Variants in ETAA1 observed in about 807,000 individuals in gnomAD.
The protein encoded by ETAA1 is ETAA1 activator of ATR kinase, also known as ewing's tumor-associated antigen 1.
A neutral mutation model predicts 76.8 loss-of-function variants in ETAA1; 49 were observed. That is an observed-to-expected ratio of 0.64 (90% confidence interval 0.51 to 0.81). ETAA1 has a LOEUF of 0.81. Among genes scored for constraint, ETAA1 ranks in the 30% least tolerant of loss-of-function variants. The pLI, the probability that ETAA1 is intolerant of heterozygous loss-of-function variation, is 0.00. For missense variants in ETAA1, 1,099 were observed against 1,074.0 expected, an observed-to-expected ratio of 1.02 and a Z score of -0.32; for synonymous variants, 373 against 372.2, an observed-to-expected ratio of 1.00 and a Z score of -0.03.
intron 5 of ETAA1, among the ~76,000 whole-genome samples, chr2:67,409,173 G>T (rs1558583380): frequency 6.6e-6 from 1 of 151,894 alleles, no homozygotes; most frequent in Admixed American, 6.6e-5. Context: ...CTAAATGTCA[G>T]AATAAATGAT....
chr2:67,405,255 G>C lies in ETAA1; in HGVS notation c.2573G>C (p.Gly858Ala). ...ACACAGGGTGTGGAGAAAAAGAAAGGTGTCAACCCATTACTGGAGGAAGCT... is the reference window on the plus strand; with the variant it reads ...ACACAGGGTGTGGAGAAAAAGAAAGCTGTCAACCCATTACTGGAGGAAGCT... ...KITQGVEKKK[G>A]VNPLLEEAVG... Residue 858 changes from glycine to alanine, a missense_variant, in exon 5 of 6, where the codon GGT (glycine) becomes GCT (alanine). Around this residue, in one of 3 missense-constraint regions of ETAA1, gnomAD observed 302 missense variants for 278.1 expected, o/e 1.09. Transcript: ENST00000272342. 1 of 1,608,394 alleles carries C rather than the reference G, an allele frequency of 6.2e-7. No individual in the cohort carries two copies. Among genetic ancestry groups the C allele is most frequent in the Non-Finnish European group, 8.5e-7 (1 of 1,177,718 alleles).
chr2:67,405,191 C>T lies in ETAA1; in HGVS notation c.2509C>T (p.Gln837Ter), dbSNP rs1676180377. The T allele has an allele frequency of 6.2e-7, 1 of 1,612,418 alleles. No individual in the cohort carries two copies. The highest frequency in any genetic ancestry group is 8.5e-7 in the Non-Finnish European group (1 of 1,179,092). Residue 837 changes from glutamine to a stop codon, truncating the protein, a stop_gained, in exon 5 of 6, where the codon CAA becomes TAA. Coordinates refer to ENST00000272342, the MANE Select transcript of ETAA1 (RefSeq NM_019002.4). LOFTEE classifies it high-confidence loss of function. ...KNSQILSQFN[Q>*]NCITGSMSDT... ...TTCTCAGATTCTTTCTCAGTTTAAT[C>T]AAAATTGTATAACTGGAAGTATGTC...
At position 67,405,187 on chromosome 2, in the gene ETAA1, T is replaced by G; in HGVS notation, c.2505T>G (p.Phe835Leu). 1 of 1,612,588 alleles carries G rather than the reference T, an allele frequency of 6.2e-7. No individual in the cohort carries two copies. Among genetic ancestry groups the G allele is most frequent in the Non-Finnish European group, 8.5e-7 (1 of 1,179,186 alleles). Residue 835 changes from phenylalanine to leucine, a missense_variant, in exon 5 of 6, where the codon TTT (phenylalanine) becomes TTG (leucine). By Grantham distance (22) the Phe-to-Leu change is conservative. Transcript: ENST00000272342. ...RMKNSQILSQ[F>L]NQNCITGSMS... Reference sequence around the variant, plus strand: ...AAAATTCTCAGATTCTTTCTCAGTTTAATCAAAATTGTATAACTGGAAGTA... The same window carrying G: ...AAAATTCTCAGATTCTTTCTCAGTTGAATCAAAATTGTATAACTGGAAGTA...
Position 67,405,053 on chromosome 2 carries a change from A to G in ETAA1, c.2371A>G (p.Lys791Glu). The change falls in exon 5 of 6, where the codon AAG becomes GAG. Residue 791 changes from lysine (K) to glutamate (E), a missense_variant. By Grantham distance (56) the Lys-to-Glu change is moderately conservative. Coordinates refer to ENST00000272342, the MANE Select transcript of ETAA1 (RefSeq NM_019002.4). ...DHMNTEITTY[K>E]KKLSTNQPCH... Reference sequence around the variant, plus strand: ...TATGAATACAGAAATTACTACTTATAAGAAGAAATTGAGTACTAATCAGCC... The same window carrying G: ...TATGAATACAGAAATTACTACTTATGAGAAGAAATTGAGTACTAATCAGCC... 2 of 1,611,742 alleles carry G rather than the reference A, an allele frequency of 1.2e-6. No homozygotes were observed. Among genetic ancestry groups the G allele is most frequent in the Non-Finnish European group, 8.5e-7 (1 of 1,178,888 alleles).
chr2:67,405,460 AG>A, intron 5 of ETAA1, 125 bp downstream of exon 5: 2 of 630,360 alleles, frequency 3.2e-6, no homozygotes, highest in Non-Finnish European at 5.2e-6. Context: ...GTTAATTTTA[AG>A]AATTAACTAG....
In ETAA1 at chr2:67,404,629, A is replaced by G. The variant is rs1196761696; in HGVS notation, c.1947A>G (p.Leu649=). 1 of 1,613,348 alleles carries G rather than the reference A, an allele frequency of 6.2e-7. No homozygotes were observed. Among genetic ancestry groups the G allele is most frequent in the East Asian group, 2.2e-5 (1 of 44,828 alleles). The stretch of plus-strand genomic sequence containing the variant: ...ATAATTCCGAACATGGAGCCAAACT[A>G]ACTCAGCAACAAGACATTAGAAAGG... ...INNNSEHGAK[L]TQQQDIRKDS... The change falls in exon 5 of 6, where the codon CTA becomes CTG. Residue 649 remains leucine, a synonymous_variant. Coordinates refer to ENST00000272342, the MANE Select transcript of ETAA1 (RefSeq NM_019002.4).
In ETAA1 at chr2:67,405,230, A is replaced by G. The variant is rs1345085522; in HGVS notation, c.2548A>G (p.Thr850Ala). ...TGGAAGTATGTCTGATACCAAAATT[A>G]CACAGGGTGTGGAGAAAAAGAAAGG... Reference protein sequence around the residue: ...ITGSMSDTKITQGVEKKKGVN... With the variant: ...ITGSMSDTKIAQGVEKKKGVN... The change falls in exon 5 of 6, where the codon ACA becomes GCA. Residue 850 changes from threonine (T) to alanine (A), a missense_variant. Around this residue, in one of 3 missense-constraint regions of ETAA1, gnomAD observed 302 missense variants for 278.1 expected, o/e 1.09. Transcript: ENST00000272342. The G allele has an allele frequency of 1.2e-6, 2 of 1,612,526 alleles. No homozygotes were observed. The highest frequency in any genetic ancestry group is 1.7e-6 in the Non-Finnish European group (2 of 1,179,112).
chr2:67,399,026 G>T, intron 1 of ETAA1, 143 bp from the exon 2 acceptor site: 1 of 704,756 alleles, frequency 1.4e-6, no homozygotes, highest in Non-Finnish European at 2.3e-6. Flanking sequence ...AAGCATTTCT[G>T]TTACGGTTCA....
Position 67,403,486 on chromosome 2 carries a change from TAGC to T in ETAA1, c.807_809del (p.Ser270del), listed in dbSNP as rs1676113891. The T allele has an allele frequency of 6.2e-7, 1 of 1,613,440 alleles. No homozygotes were observed. Among genetic ancestry groups the T allele is most frequent in the Non-Finnish European group, 8.5e-7 (1 of 1,179,466 alleles). The stretch of plus-strand genomic sequence containing the variant: ...AGATATCTGTGGCAAATAATCAAAA[TAGC>T]AGTCAGAAGCCATTTGACCAAATTG... On this transcript the variant is annotated inframe_deletion, in exon 5 of 6. Coordinates refer to ENST00000272342, the MANE Select transcript of ETAA1 (RefSeq NM_019002.4).
chr2:67,402,949 T>C lies in ETAA1; in HGVS notation c.517T>C (p.Ser173Pro). The change falls in exon 4 of 6, where the codon TCA becomes CCA. Residue 173 changes from serine to proline, a missense_variant. This residue lies in a region of ETAA1 where 761 missense variants were observed against 731.9 expected (regional missense o/e 1.04). Transcript: ENST00000272342. ...PCTPSVAKGK[S>P]RAKISCTKLK... ...TACTCCCAGTGTAGCAAAAGGAAAA[T>C]CAAGAGCAAAAATCAGCTGCACAAA... 5.0e-6 allele frequency: 8 copies of C among 1,606,464 alleles called. No individual in the cohort carries two copies. Among genetic ancestry groups the C allele is most frequent in the Non-Finnish European group, 6.8e-6 (8 of 1,176,320 alleles).
In ETAA1 at chr2:67,403,252, ACTT is replaced by A. The variant is rs1676104590; in HGVS notation, c.571_573del (p.Leu191del). On this transcript the variant is annotated inframe_deletion, in exon 5 of 6. Coordinates refer to ENST00000272342, the MANE Select transcript of ETAA1 (RefSeq NM_019002.4). ...TAAAAACACAAAGTCAAGAAGAAGA[ACTT>A]ATGAAACTGGCTAAACAATTTGATA... 4.4e-6 allele frequency: 7 copies of A among 1,575,420 alleles called. No homozygotes were observed. Among genetic ancestry groups the A allele is most frequent in the Non-Finnish European group, 5.1e-6 (6 of 1,166,326 alleles).
chr2:67,405,912 T>G (rs946320072), intron 5 of ETAA1, among the ~76,000 whole-genome samples: 1 of 152,040 alleles, frequency 6.6e-6, no homozygotes, highest in African/African-American at 2.4e-5. Context: ...TATCAATAAG[T>G]TTCATTCTTT....
rs1402824277 is a variant in ETAA1 at position 67,404,328 on chromosome 2, A to G, written c.1646A>G (p.Asp549Gly). The stretch of plus-strand genomic sequence containing the variant: ...TCTATTAAAGCCCCTGTTAATACTG[A>G]TCTTTTTGGCTCTGCAAATCTAGGC... ...NQSIKAPVNT[D>G]LFGSANLGSK... Residue 549 changes from aspartate (D) to glycine (G), a missense_variant, in exon 5 of 6, where the codon GAT becomes GGT. Transcript: ENST00000272342. 3.1e-6 allele frequency: 5 copies of G among 1,613,102 alleles called. No individual in the cohort carries two copies. Among genetic ancestry groups the G allele is most frequent in the East Asian group, 2.2e-5 (1 of 44,822 alleles).
chr2:67,397,643 C>T lies in ETAA1; in HGVS notation c.195C>T (p.Ala65=). The change falls in exon 1 of 6, where the codon GCC becomes GCT. Residue 65 remains alanine (A), a synonymous_variant. Coordinates refer to ENST00000272342, the MANE Select transcript of ETAA1 (RefSeq NM_019002.4). ...GGCAGCGAGAGCAGCCTCCGACCGC[C>T]GCCCTGTGCAGTAAAAGTAACCCCG... ...PVRQREQPPT[A]ALCSKSNPEE... 1.3e-6 allele frequency: 2 copies of T among 1,547,036 alleles called. No individual in the cohort carries two copies. Among genetic ancestry groups the T allele is most frequent in the South Asian group, 1.2e-5 (1 of 83,928 alleles).
In ETAA1 at chr2:67,410,460, TA is replaced by T. The variant is rs1212685587; in HGVS notation, c.*423del. 6.5e-6 allele frequency: 1 copy of T among 153,178 alleles called. No homozygotes were observed. The highest frequency in any genetic ancestry group is 2.4e-5 in the African/African-American group (1 of 41,474). The allele number at this position is 153,178 out of a possible 1,614,324, so 9.5% of individuals were successfully genotyped here. On this transcript the variant is annotated 3_prime_UTR_variant, in exon 6 of 6. Transcript: ENST00000272342. ...TTCATTAACTGTTGCTTAAGGTTTT[TA>T]TACACTTCCAGATTTTAATTAATAC...
chr2:67,399,357 C>G (rs1163147622), intron 2 of ETAA1, 60 bp downstream of exon 2: 14 of 1,455,374 alleles, frequency 9.6e-6, no homozygotes, highest in Non-Finnish European at 1.2e-5. Context: ...TCAGATTTAA[C>G]TAGAATTCTA....
chr2:67,398,620 C>G (rs896208892), intron 1 of ETAA1, among the ~76,000 whole-genome samples: 13 of 152,068 alleles, frequency 8.5e-5, no homozygotes, highest in Admixed American at 5.2e-4. Context: ...ACAGCCACCG[C>G]GCCCGGCCAC....
intron 5 of ETAA1, among the ~76,000 whole-genome samples, chr2:67,407,694 A>G (rs1403695585): frequency 6.6e-6 from 1 of 152,178 alleles, no homozygotes; most frequent in Non-Finnish European, 1.5e-5. Context: ...TCTTATATGT[A>G]TTATATACTG....
At chr2:67,402,737 C>A in intron 3 of ETAA1, 125 bp from the exon 4 acceptor site, 1 of 522,346 alleles carries the variant, frequency 1.9e-6, no homozygotes. Flanking sequence ...GTTACCTCAC[C>A]AGAATTTAGG....
Sources: gnomAD v4.1 joint callset for allele counts (sites outside exome capture counted in the v4.1 genomes callset) on GRCh38, gnomAD v4.1.1 for gene constraint, gnomAD v4.1.1 regional missense constraint, MANE v1.5 for transcripts, NCBI Gene and HGNC (gene_info 2026-07-23, HGNC 2026-07-21) for gene names.